Variants in CDYL2 observed in about 807,000 individuals in gnomAD.
CDYL2 encodes chromodomain Y-like protein 2.
Under a neutral mutation model 49.4 loss-of-function variants are expected in CDYL2, and 23 were observed. That is an observed-to-expected ratio of 0.47 (90% CI 0.34 to 0.66). The LOEUF is 0.66. CDYL2 is among the 30% of genes least tolerant of loss of function. CDYL2 has a pLI of 0.01. For synonymous variants in CDYL2, 360 were observed against 268.8 expected (o/e 1.34, Z -3.32); for missense variants, 678 against 656.4 (o/e 1.03, Z -0.36).
intron 1 of CDYL2, among the ~76,000 whole-genome samples, chr16:80,691,683 A>G (rs183861796): frequency 9.2e-5 from 14 of 152,348 alleles, no homozygotes; most frequent in South Asian, 8.3e-4. Flanking sequence ...TCCCAGTACA[A>G]TCACACCAGT....
At chr16:80,708,993 C>A (rs1338584253) in intron 1 of CDYL2, among the ~76,000 whole-genome samples, 1 of 152,240 alleles carries the variant, frequency 6.6e-6, no homozygotes, top group East Asian at 1.9e-4. Context: ...GGCAGCAGAG[C>A]TCCTGTTTGC....
At chr16:80,637,959 G>C (rs982300692) in intron 2 of CDYL2, among the ~76,000 whole-genome samples, 2 of 152,124 alleles carry the variant, frequency 1.3e-5, no homozygotes, top group Admixed American at 1.3e-4. Context: ...GAAATACGTA[G>C]ATATAAATCT....
At chr16:80,645,337 C>T (rs556833363) in intron 2 of CDYL2, among the ~76,000 whole-genome samples, 2 of 151,926 alleles carry the variant, frequency 1.3e-5, no homozygotes, top group Admixed American at 6.5e-5. Flanking sequence ...TATGAACACA[C>T]ACTTCTCAAA....
chr16:80,712,215 A>ATATATATATATATATCTATCTC (rs763194077), intron 1 of CDYL2, among the ~76,000 whole-genome samples: 2 of 128,358 alleles, frequency 1.6e-5, no homozygotes, highest in Non-Finnish European at 3.5e-5. Context: ...ATATATATAT[A>ATATATATATATATATCTATCTC]TCTCCAAACC....
rs914203770 is a variant in CDYL2 at position 80,685,244 on chromosome 16, G to T, written c.25-115C>A. 25 of 787,100 alleles carry T rather than the reference G, an allele frequency of 3.2e-5. No individual in the cohort carries two copies. In the African/African-American group the frequency reaches 3.8e-4, roughly 12 times the overall value. 48.8% of individuals were successfully genotyped at this position (787,100 alleles called of 1,614,324 possible). A position where few individuals can be genotyped will look rare whatever the true frequency, so the allele number is the denominator to read the frequency against. On this transcript the variant is annotated intron_variant, in intron 1 of 6. Coordinates refer to ENST00000570137, the MANE Select transcript of CDYL2 (RefSeq NM_152342.4). ...GATAGAGGCATCTACCCTAGCCAGG[G>T]GGTGAGCCACGAGCCATTCAATGCC...
intron 4 of CDYL2, among the ~76,000 whole-genome samples, chr16:80,614,869 G>GAAAA (rs57112645): frequency 5.6e-5 from 4 of 71,344 alleles, no homozygotes; most frequent in Non-Finnish European, 6.6e-5. Context: ...GTCTCAGGGA[G>GAAAA]AAAAAAAAAA....
At chr16:80,748,148 A>T (rs964529763) in intron 1 of CDYL2, among the ~76,000 whole-genome samples, 2 of 147,182 alleles carry the variant, frequency 1.4e-5, no homozygotes, top group African/African-American at 4.9e-5. Flanking sequence ...AATAATAATA[A>T]TAATAATAAT....
At chr16:80,781,497 A>G (rs1237297576) in intron 1 of CDYL2, among the ~76,000 whole-genome samples, 2 of 152,164 alleles carry the variant, frequency 1.3e-5, no homozygotes, top group African/African-American at 4.8e-5. Context: ...GAACAGTAAG[A>G]AAATAGATGA....
In CDYL2 at chr16:80,666,852, C is replaced by G. The variant is rs1909285483; in HGVS notation, c.616+17686G>C. ...GTCCTCTCTTTCATCTATTCATTCA[C>G]TCACTCATTCATTTCTTAAGCACCT... is the stretch of plus-strand genomic sequence containing the variant. On this transcript the variant is annotated intron_variant, in intron 2 of 6. Transcript: ENST00000570137. Among the ~76,000 whole-genome samples, 3 of 152,196 alleles carry G rather than the reference C, an allele frequency of 2.0e-5. No homozygotes were observed. The South Asian group carries it at 6.2e-4, about 31-fold the overall frequency.
intron 2 of CDYL2, among the ~76,000 whole-genome samples, chr16:80,651,965 C>T (rs934102452): frequency 5.3e-5 from 8 of 152,110 alleles, no homozygotes; most frequent in South Asian, 2.1e-4. Context: ...AATGTGACCA[C>T]GGGTTAGAGT....
chr16:80,779,805 C>CA (rs1907204249), intron 1 of CDYL2, among the ~76,000 whole-genome samples: 1 of 152,048 alleles, frequency 6.6e-6, no homozygotes, highest in Admixed American at 6.6e-5. Context: ...AGTGCAAAGA[C>CA]AGACTAGAAG....
chr16:80,786,881 G>T (rs932089652), intron 1 of CDYL2, among the ~76,000 whole-genome samples: 1 of 150,824 alleles, frequency 6.6e-6, no homozygotes, highest in Non-Finnish European at 1.5e-5. Context: ...AAGAACACAT[G>T]AAAACAGGGA....
intron 2 of CDYL2, among the ~76,000 whole-genome samples, chr16:80,668,375 C>A (rs1196931504): frequency 6.6e-6 from 1 of 152,048 alleles, no homozygotes; most frequent in Non-Finnish European, 1.5e-5. Context: ...CATATCTATA[C>A]CTACATACAT....
intron 4 of CDYL2, among the ~76,000 whole-genome samples, chr16:80,616,317 G>C (rs1184606564): frequency 6.6e-6 from 1 of 152,184 alleles, no homozygotes; most frequent in Non-Finnish European, 1.5e-5. Context: ...TGCTAGCCCA[G>C]TGCTGACATG....
At chr16:80,732,633 T>C (rs1370436544) in intron 1 of CDYL2, among the ~76,000 whole-genome samples, 1 of 152,192 alleles carries the variant, frequency 6.6e-6, no homozygotes. Context: ...ATGTTTTACC[T>C]ACCAAAGAAT....
intron 2 of CDYL2, among the ~76,000 whole-genome samples, chr16:80,647,426 A>C (rs1346025371): frequency 1.3e-5 from 2 of 152,222 alleles, no homozygotes; most frequent in African/African-American, 2.4e-5. Flanking sequence ...ACAAAACTGC[A>C]GGAATCACAT....
At chr16:80,746,643 A>G (rs1359363906) in intron 1 of CDYL2, among the ~76,000 whole-genome samples, 2 of 152,160 alleles carry the variant, frequency 1.3e-5, no homozygotes, top group East Asian at 3.9e-4. Flanking sequence ...TCCCTTAACA[A>G]CTAGACAATC....
At chr16:80,678,120 T>A (rs2142463647) in intron 2 of CDYL2, among the ~76,000 whole-genome samples, 2 of 152,290 alleles carry the variant, frequency 1.3e-5, no homozygotes, top group Admixed American at 1.3e-4. Flanking sequence ...TCAAGATGGA[T>A]TAAAGACTTA....
chr16:80,712,187 G>GTATATA (rs1464649825), intron 1 of CDYL2, among the ~76,000 whole-genome samples: 18 of 38,086 alleles, frequency 4.7e-4, no homozygotes, highest in African/African-American at 1.5e-3. Flanking sequence ...TTGTGTCTGT[G>GTATATA]TGTGTATATA....
Sources: allele counts gnomAD v4.1 joint callset (sites outside exome capture counted in the v4.1 genomes callset), GRCh38; gene constraint gnomAD v4.1.1; transcripts MANE v1.5; gene names NCBI Gene and HGNC (gene_info 2026-07-23, HGNC 2026-07-21).